The following LTAP1 variants were observed in gnomAD, a reference collection of about 807,000 sequenced individuals.
LTAP1 encodes HCV NS5A-transactivated protein 4.
At chr1:154,208,369 TGG>T in the LTAP1 span, 1 of 152,836 alleles carries the variant, frequency 6.5e-6, no homozygotes, top group African/African-American at 2.4e-5. Flanking sequence ...CACTCCAGTC[TGG>T]GCGACAGACT....
the LTAP1 span, among the ~76,000 whole-genome samples, chr1:154,209,762 T>C: frequency 6.6e-6 from 1 of 151,826 alleles, no homozygotes; most frequent in African/African-American, 2.4e-5. Context: ...AATTTTTTTT[T>C]TTTTGTATTT....
the LTAP1 span, among the ~76,000 whole-genome samples, chr1:154,209,612 A>G: frequency 2.9e-4 from 43 of 149,950 alleles, no homozygotes; most frequent in African/African-American, 9.6e-4. Context: ...TTCGAGATGG[A>G]GTCTTGCTCT....
the LTAP1 span, chr1:154,207,699 A>T: frequency 7.0e-7 from 1 of 1,431,598 alleles, no homozygotes; most frequent in Non-Finnish European, 9.5e-7. Context: ...TAATCAAAGA[A>T]ATCAGGGCTT....
the LTAP1 span, chr1:154,219,975 C>A: frequency 2.0e-6 from 3 of 1,489,482 alleles, no homozygotes; most frequent in South Asian, 1.2e-5. Flanking sequence ...AATAAAAAGT[C>A]AGTTTTGTTT....
chr1:154,210,911 A>T, the LTAP1 span, among the ~76,000 whole-genome samples: 1 of 152,218 alleles, frequency 6.6e-6, no homozygotes, highest in African/African-American at 2.4e-5. Context: ...CTCCTGTGAC[A>T]CAAATGCTCA....
chr1:154,209,429 T>C, the LTAP1 span, among the ~76,000 whole-genome samples: 2 of 150,106 alleles, frequency 1.3e-5, no homozygotes, highest in South Asian at 4.3e-4. Context: ...AGCAGTTTTT[T>C]TTTTTTTTTT....
the LTAP1 span, chr1:154,220,134 C>G: frequency 1.4e-6 from 1 of 732,710 alleles, no homozygotes; most frequent in South Asian, 1.8e-5. Flanking sequence ...GGGGTCTGTG[C>G]TCTAGCGTTA....
chr1:154,209,133 G>C, the LTAP1 span, among the ~76,000 whole-genome samples: 2 of 152,156 alleles, frequency 1.3e-5, no homozygotes, highest in South Asian at 4.1e-4. Flanking sequence ...GTATGGTTCA[G>C]TAGTGTTAAG....
chr1:154,216,059 G>C, the LTAP1 span, among the ~76,000 whole-genome samples: 5 of 151,870 alleles, frequency 3.3e-5, no homozygotes, highest in Non-Finnish European at 7.4e-5. Context: ...GGTTGGTCTC[G>C]ATCTGCTGAC....
chr1:154,214,654 T>C, the LTAP1 span: 4 of 827,248 alleles, frequency 4.8e-6, no homozygotes, highest in African/African-American at 5.1e-5. Flanking sequence ...GCAGAGTTAA[T>C]GAATAACTAA....
the LTAP1 span, chr1:154,214,615 A>ACT: frequency 7.6e-7 from 1 of 1,315,944 alleles, no homozygotes; most frequent in East Asian, 2.3e-5. Context: ...TTTACCCTGC[A>ACT]CTCTGCTTTC....
At chr1:154,214,582 C>A in the LTAP1 span, 1 of 1,573,324 alleles carries the variant, frequency 6.4e-7, no homozygotes, top group Non-Finnish European at 8.7e-7. Flanking sequence ...GTCCTGTTCA[C>A]ATAAAAAAAG....
At chr1:154,214,557 A>T in the LTAP1 span, 14 of 1,611,814 alleles carry the variant, frequency 8.7e-6, no homozygotes, top group Non-Finnish European at 1.2e-5. Context: ...GTCGAATATC[A>T]ATCTCCTCTT....
the LTAP1 span, chr1:154,212,768 T>A: frequency 2.5e-6 from 2 of 801,588 alleles, no homozygotes; most frequent in Non-Finnish European, 3.9e-6. Context: ...TTTGAGCAAT[T>A]CTCTAGTCTC....
At chr1:154,209,090 A>C in the LTAP1 span, among the ~76,000 whole-genome samples, 1 of 152,174 alleles carries the variant, frequency 6.6e-6, no homozygotes, top group African/African-American at 2.4e-5. Context: ...AATACATGTA[A>C]CATAAAATTT....
At chr1:154,209,424 T>C in the LTAP1 span, among the ~76,000 whole-genome samples, 1 of 27,666 alleles carries the variant, frequency 3.6e-5, no homozygotes, top group South Asian at 3.0e-3. Context: ...CTCTAAGCAG[T>C]TTTTTTTTTT....
chr1:154,220,147 G>C, the LTAP1 span: 5 of 754,736 alleles, frequency 6.6e-6, no homozygotes, highest in Non-Finnish European at 1.1e-5. Flanking sequence ...TAGCGTTAAA[G>C]GGAGGGTTCT....
chr1:154,220,498 C>T, the LTAP1 span: 1 of 1,417,760 alleles, frequency 7.1e-7, no homozygotes, highest in African/African-American at 1.4e-5. Flanking sequence ...CGCCTGGGTC[C>T]CCTGGAGCTC....
chr1:154,220,212 T>C, the LTAP1 span: 1 of 1,155,572 alleles, frequency 8.7e-7, no homozygotes, highest in Non-Finnish European at 1.3e-6. Flanking sequence ...CACCTACTCC[T>C]GGAATAAGGA....
Sources: allele counts gnomAD v4.1 joint callset (sites outside exome capture counted in the v4.1 genomes callset), GRCh38; gene constraint gnomAD v4.1.1; transcripts MANE v1.5; gene names NCBI Gene and HGNC (gene_info 2026-07-23, HGNC 2026-07-21).